Variants in IQSEC2 observed in about 807,000 individuals in gnomAD.
IQSEC2 encodes the protein IQ motif and Sec7 domain ArfGEF 2.
IQSEC2 carries 6 observed loss-of-function variants against 74.6 expected under a neutral mutation model. The ratio of observed to expected loss-of-function variants is 0.08; its 90% CI spans 0.04 to 0.16. The LOEUF is 0.16. Ranked by LOEUF, IQSEC2 falls within the 10% of genes least tolerant of loss-of-function variation. The pLI, the probability that IQSEC2 is intolerant of heterozygous loss-of-function variation, is 1.00. For synonymous variants in IQSEC2, 494 were observed against 544.5 expected, an observed-to-expected ratio of 0.91 and a Z score of 1.29; for missense variants, 734 against 1,306.2, an observed-to-expected ratio of 0.56 and a Z score of 6.75.
chrX:53,270,439 T>TTC (rs2074725041), intron 2 of IQSEC2, among the ~76,000 whole-genome samples: 1 of 110,842 alleles, frequency 9.0e-6, no homozygotes, highest in Non-Finnish European at 1.9e-5. Flanking sequence ...CTGCGGTTCC[T>TTC]TCTATCTGGA....
At chrX:53,310,744 T>C (rs2075313225) in intron 1 of IQSEC2, among the ~76,000 whole-genome samples, 1 of 111,065 alleles carries the variant, frequency 9.0e-6, no homozygotes, top group Non-Finnish European at 1.9e-5. Context: ...CTGCCTCAGT[T>C]ACAGTAAATG....
chrX:53,260,346 G>A (rs979980792), intron 2 of IQSEC2, among the ~76,000 whole-genome samples: 3 of 111,655 alleles, frequency 2.7e-5, no homozygotes, highest in Admixed American at 9.5e-5. Flanking sequence ...CAGTGTGGCC[G>A]GAACAGAGTG....
intron 2 of IQSEC2, among the ~76,000 whole-genome samples, chrX:53,280,961 C>T (rs2074950017): frequency 8.9e-6 from 1 of 112,673 alleles, no homozygotes; most frequent in African/African-American, 3.2e-5. Context: ...GGAGACATGG[C>T]TGCGGGCCAG....
At position 53,320,919 on chromosome X, in the gene IQSEC2, G is replaced by C. The variant is rs1385668401; in HGVS notation, c.205C>G (p.Arg69Gly). The C allele has an allele frequency of 8.6e-7, 1 of 1,161,613 alleles. No homozygotes were observed. The highest frequency in any genetic ancestry group is 1.8e-5 in the African/African-American group (1 of 55,359). The change falls in exon 1 of 15, where the codon CGC becomes GGC. Residue 69 changes from arginine (R) to glycine (G), a missense_variant. Coordinates refer to ENST00000642864, the MANE Select transcript of IQSEC2 (RefSeq NM_001111125.3). ...RDLREESQLH[R>G]GELHRDPHGA... is the part of the protein sequence containing the mutation. ...TGGGGGTCCCGGTGCAGCTCCCCGC[G>C]GTGCAGCTGGCTCTCCTCTCGCAGG...
chrX:53,267,922 G>A (rs1331013489), intron 2 of IQSEC2, among the ~76,000 whole-genome samples: 1 of 112,119 alleles, frequency 8.9e-6, no homozygotes, highest in African/African-American at 3.2e-5. Flanking sequence ...TTAACTACTC[G>A]TGAGCTGAAT....
At chrX:53,243,298 C>T in intron 9 of IQSEC2, 34 bp downstream of exon 9, 1 of 1,135,801 alleles carries the variant, frequency 8.8e-7, no homozygotes, top group Non-Finnish European at 1.2e-6. Context: ...CAGACCTGAA[C>T]CCTGGCCCCT....
At chrX:53,302,544 G>A (rs1162028910) in intron 1 of IQSEC2, among the ~76,000 whole-genome samples, 1 of 111,728 alleles carries the variant, frequency 9.0e-6, no homozygotes. Context: ...AGGCTTCAGC[G>A]AGCTATGATC....
At chrX:53,287,946 C>G (rs1313254225) in intron 2 of IQSEC2, among the ~76,000 whole-genome samples, 2 of 112,290 alleles carry the variant, frequency 1.8e-5, no homozygotes, top group Non-Finnish European at 3.8e-5. Context: ...AGACTTCTGT[C>G]CTCACAAACT....
rs2147015788 is a variant in IQSEC2 at position 53,236,491 on chromosome X, C to T, written c.3282G>A (p.Glu1094=). Residue 1094 remains glutamate (E), a synonymous_variant, in exon 13 of 15, where the codon GAG becomes GAA. Coordinates refer to ENST00000642864, the MANE Select transcript of IQSEC2 (RefSeq NM_001111125.3). ...GCATCATACCTTTCTGCTTCTCCAG[C>T]TCCGCTGGGTGGCAGTCGGGGAGAC... is the stretch of plus-strand genomic sequence containing the variant. ...QEMEKYRVES[E]LEKQKGMMRP... is the part of the protein sequence containing the mutation. The T allele has an allele frequency of 8.4e-7, 1 of 1,194,302 alleles. No individual in the cohort carries two copies. The highest frequency in any genetic ancestry group is 3.0e-5 in the East Asian group (1 of 32,925).
At chrX:53,255,752 C>T in intron 3 of IQSEC2, 48 bp downstream of exon 3, 1 of 1,203,385 alleles carries the variant, frequency 8.3e-7, no homozygotes, top group African/African-American at 1.7e-5. Flanking sequence ...TCCCCTGGCG[C>T]TCTCTTGCAT....
At chrX:53,314,643 C>T (rs782163016) in intron 1 of IQSEC2, among the ~76,000 whole-genome samples, 3 of 111,672 alleles carry the variant, frequency 2.7e-5, no homozygotes, top group Admixed American at 9.5e-5. Context: ...GGGGGGCACA[C>T]GGGTCAGCCT....
rs1174646438 is a variant in IQSEC2 at position 53,233,807 on chromosome X, A to G, written c.*412T>C. On this transcript the variant is annotated 3_prime_UTR_variant, in exon 15 of 15. Transcript: ENST00000642864. ...CACACGGCCAGAGGAGCCCCAGGGAAGCCTTCACCCCGACAGCTCCGGACA... is the reference window on the plus strand; with the variant it reads ...CACACGGCCAGAGGAGCCCCAGGGAGGCCTTCACCCCGACAGCTCCGGACA... The G allele has an allele frequency of 1.0e-5, 3 of 297,509 alleles. No homozygotes were observed. Among genetic ancestry groups the G allele is most frequent in the Non-Finnish European group, 1.2e-5 (2 of 170,215 alleles). 24.5% of individuals were successfully genotyped at this position (297,509 alleles called of 1,213,427 possible).
chrX:53,252,842 T>G (rs1220527614), intron 4 of IQSEC2, among the ~76,000 whole-genome samples: 1 of 112,034 alleles, frequency 8.9e-6, no homozygotes, highest in African/African-American at 3.2e-5. Flanking sequence ...CAGATATACT[T>G]CCCCATCAGA....
intron 2 of IQSEC2, among the ~76,000 whole-genome samples, chrX:53,260,127 A>G (rs1180078527): frequency 1.8e-5 from 2 of 112,051 alleles, no homozygotes; most frequent in African/African-American, 6.5e-5. Context: ...AGTGCTAGGA[A>G]GGAAAATATA....
intron 2 of IQSEC2, among the ~76,000 whole-genome samples, chrX:53,278,120 C>T (rs371288510): frequency 1.6e-4 from 17 of 104,310 alleles, no homozygotes; most frequent in African/African-American, 5.8e-4. Flanking sequence ...AAGCCCTTCT[C>T]CTGCCTCAGC....
intron 2 of IQSEC2, among the ~76,000 whole-genome samples, chrX:53,261,594 A>G (rs1373804422): frequency 1.8e-5 from 2 of 110,957 alleles, no homozygotes; most frequent in East Asian, 5.7e-4. Context: ...AAACAAAAAC[A>G]CATCCACAGA....
intron 4 of IQSEC2, among the ~76,000 whole-genome samples, chrX:53,252,472 T>C (rs1556863960): frequency 9.0e-6 from 1 of 111,455 alleles, no homozygotes; most frequent in Non-Finnish European, 1.9e-5. Flanking sequence ...GCACTCTTGG[T>C]CGCTTGTCAC....
intron 2 of IQSEC2, among the ~76,000 whole-genome samples, chrX:53,289,076 G>A (rs1234644585): frequency 9.2e-6 from 1 of 108,363 alleles, no homozygotes; most frequent in Non-Finnish European, 1.9e-5. Flanking sequence ...GCAATCTACC[G>A]ACTCTGCTCT....
At chrX:53,226,222 G>C (rs2074036859), downstream of IQSEC2, 1 of 112,740 alleles carries the variant, frequency 8.9e-6, no homozygotes, top group Non-Finnish European at 1.9e-5. Flanking sequence ...TGCAACTACA[G>C]TACTTTGAAT....
Sources: gnomAD v4.1 joint callset for allele counts (sites outside exome capture counted in the v4.1 genomes callset) on GRCh38, gnomAD v4.1.1 for gene constraint, MANE v1.5 for transcripts, NCBI Gene and HGNC (gene_info 2026-07-23, HGNC 2026-07-21) for gene names.